The following NCR2 variants were observed in gnomAD, a reference collection of about 807,000 sequenced individuals.
The protein encoded by NCR2 is NK cell activating receptor (NKp44).
A neutral mutation model predicts 30.7 loss-of-function variants in NCR2; 35 were observed. That is an observed-to-expected ratio of 1.14 (90% CI 0.87 to 1.51). The LOEUF (loss-of-function observed/expected upper bound fraction) is 1.51. NCR2 is among the 40% of genes most tolerant of loss of function. The pLI, the probability that NCR2 is intolerant of heterozygous loss-of-function variation, is 0.00. For missense variants in NCR2, 316 were observed against 328.9 expected (o/e 0.96, Z 0.30); for synonymous variants, 146 against 134.8 (o/e 1.08, Z -0.58).
intron 4 of NCR2, chr6:41,343,031 G>A (rs762805372): frequency 6.4e-5 from 99 of 1,548,800 alleles, no homozygotes; most frequent in African/African-American, 4.9e-4. Flanking sequence ...CCAGGTGGGC[G>A]GCCAGTCTCC....
intron 4 of NCR2, among the ~76,000 whole-genome samples, chr6:41,349,540 G>C (rs531083366): frequency 2.6e-5 from 4 of 152,224 alleles, no homozygotes; most frequent in Admixed American, 2.6e-4. Flanking sequence ...GAGGGGAGGG[G>C]GCTGAAGACT....
At chr6:41,340,285 C>T (rs2114052941) in intron 2 of NCR2, among the ~76,000 whole-genome samples, 1 of 152,176 alleles carries the variant, frequency 6.6e-6, no homozygotes, top group South Asian at 2.1e-4. Context: ...CCTCAGCCTC[C>T]CAAGTAGCTG....
chr6:41,350,883 T>A lies in NCR2; in HGVS notation c.*19T>A, dbSNP rs779340645. 7 of 801,132 alleles carry A rather than the reference T, an allele frequency of 8.7e-6. No homozygotes were observed. In the East Asian group the frequency reaches 1.7e-4, roughly 20 times the overall value. The allele number at this position is 801,132 out of a possible 1,614,324, so 49.6% of individuals were successfully genotyped here. On this transcript the variant is annotated 3_prime_UTR_variant, in exon 5 of 5. Transcript: ENST00000373089. ...TTTGTGAATAATAAAATTATCTGAATGTTTTATTCCTGTTGTTTCCTAAGT... is the reference window on the plus strand; with the variant it reads ...TTTGTGAATAATAAAATTATCTGAAAGTTTTATTCCTGTTGTTTCCTAAGT...
intron 4 of NCR2, among the ~76,000 whole-genome samples, chr6:41,344,501 AT>A: frequency 6.6e-6 from 1 of 152,176 alleles, no homozygotes; most frequent in Non-Finnish European, 1.5e-5. Context: ...ATTTTTCTTT[AT>A]TCCTACTTTC....
chr6:41,346,848 G>A (rs1265756959), intron 4 of NCR2, among the ~76,000 whole-genome samples: 1 of 151,174 alleles, frequency 6.6e-6, no homozygotes, highest in Non-Finnish European at 1.5e-5. Flanking sequence ...AGGGAGGGAG[G>A]GAGGGACAGA....
rs944863318 is a variant in NCR2, at chr6:41,350,706, G to T, written c.673G>T (p.Glu225Ter). The T allele has an allele frequency of 1.9e-6, 3 of 1,613,874 alleles. No homozygotes were observed. Among genetic ancestry groups the T allele is most frequent in the Non-Finnish European group, 2.5e-6 (3 of 1,179,906 alleles). ...GGACATATGGTGGAAAACCATGATG[G>T]AGCTCAGGAGCCTGGATACCCAAAA... ...WGDIWWKTMM[E>*]LRSLDTQKAT... The change falls in exon 5 of 5, where the codon GAG (glutamate) becomes TAG (stop). Residue 225 changes from glutamate to a stop codon, truncating the protein, a stop_gained. Transcript: ENST00000373089. LOFTEE classifies it high-confidence loss of function.
At position 41,336,069 on chromosome 6, in the gene NCR2, T is replaced by TG; in HGVS notation, c.53-18_53-17insG. ...GTGCGCGTGGCCTTGACCTATGCGT[T>TG]ACTTCATCATTCTCCAGGCTCTCAG... On this transcript the variant is annotated splice_polypyrimidine_tract_variant and intron_variant, in intron 1 of 4. Transcript: ENST00000373089. 4 of 1,609,110 alleles carry TG rather than the reference T, an allele frequency of 2.5e-6. No homozygotes were observed. In the South Asian group the frequency reaches 4.4e-5, roughly 18 times the overall value.
At chr6:41,338,111 G>A (rs372736065) in intron 2 of NCR2, among the ~76,000 whole-genome samples, 1 of 152,034 alleles carries the variant, frequency 6.6e-6, no homozygotes, top group African/African-American at 2.4e-5. Flanking sequence ...AAAACATGTC[G>A]CTTTACTTCC....
intron 4 of NCR2, among the ~76,000 whole-genome samples, chr6:41,344,270 C>A (rs1165454370): frequency 6.6e-6 from 1 of 152,192 alleles, no homozygotes; most frequent in African/African-American, 2.4e-5. Context: ...CTTACCACCA[C>A]CAACATGGCT....
chr6:41,340,692 CTTG>C (rs1236582046), intron 2 of NCR2, among the ~76,000 whole-genome samples: 1 of 152,156 alleles, frequency 6.6e-6, no homozygotes, highest in Non-Finnish European at 1.5e-5. Context: ...TTATACTTCC[CTTG>C]TTGTGGAAGG....
At chr6:41,339,171 C>T (rs1769108373) in intron 2 of NCR2, among the ~76,000 whole-genome samples, 1 of 152,144 alleles carries the variant, frequency 6.6e-6, no homozygotes, top group Admixed American at 6.5e-5. Context: ...AAGCGATTCT[C>T]CTGCCTCAGC....
At chr6:41,349,588 T>C (rs1347228691) in intron 4 of NCR2, among the ~76,000 whole-genome samples, 2 of 151,388 alleles carry the variant, frequency 1.3e-5, no homozygotes, top group Non-Finnish European at 2.9e-5. Context: ...ATGAAGTCTC[T>C]GTAAAAATCA....
chr6:41,347,659 A>G (rs1490721686), intron 4 of NCR2, among the ~76,000 whole-genome samples: 3 of 152,258 alleles, frequency 2.0e-5, no homozygotes, highest in East Asian at 1.9e-4. Flanking sequence ...TTGATGTTGC[A>G]TAATAAATTA....
At chr6:41,349,040 T>C (rs1032457506) in intron 4 of NCR2, among the ~76,000 whole-genome samples, 7 of 148,186 alleles carry the variant, frequency 4.7e-5, no homozygotes, top group Non-Finnish European at 7.4e-5. Context: ...ATTGAAATCA[T>C]TATAATTTTA....
Position 41,336,387 on chromosome 6 carries a change from CTG to C in NCR2, c.355_356del (p.Val119LeufsTer2). 1 of 1,613,956 alleles carries C rather than the reference CTG, an allele frequency of 6.2e-7. No individual in the cohort carries two copies. On this transcript the variant is annotated frameshift_variant, in exon 2 of 5. Coordinates refer to ENST00000373089, the MANE Select transcript of NCR2 (RefSeq NM_004828.4). LOFTEE classifies it high-confidence loss of function. The stretch of plus-strand genomic sequence containing the variant: ...AGAATCTACCGCCCTTCTGACAACT[CTG>C]TCTCTAAGTCCGTCAGATTCTATCT...
intron 2 of NCR2, among the ~76,000 whole-genome samples, chr6:41,340,293 C>G (rs1355023046): frequency 1.3e-5 from 2 of 152,076 alleles, no homozygotes; most frequent in African/African-American, 2.4e-5. Context: ...TCCCAAGTAG[C>G]TGGGATTACA....
At chr6:41,340,065 A>G (rs1769131302) in intron 2 of NCR2, among the ~76,000 whole-genome samples, 1 of 152,238 alleles carries the variant, frequency 6.6e-6, no homozygotes, top group Non-Finnish European at 1.5e-5. Context: ...TTGATTAAAA[A>G]TTAAAATGAT....
intron 4 of NCR2, among the ~76,000 whole-genome samples, chr6:41,347,816 A>C (rs960715790): frequency 4.6e-5 from 7 of 152,164 alleles, no homozygotes; most frequent in African/African-American, 1.7e-4. Context: ...CGCAGTCAGG[A>C]TGTCAGCAAG....
At position 41,350,180 on chromosome 6, in the gene NCR2, C is replaced by T. The variant is rs146432690; in HGVS notation, c.645-498C>T. ...AGTCTTCTTATTGGTAAAAACAGAA[C>T]TGATAACACACATATTACCAAGCTA... On this transcript the variant is annotated intron_variant, in intron 4 of 4. Transcript: ENST00000373089. Among the ~76,000 whole-genome samples the T allele has an allele frequency of 3.3e-5, 5 of 152,296 alleles. No homozygotes were observed. In the East Asian group the frequency reaches 9.6e-4, roughly 29 times the overall value.
Sources: allele counts gnomAD v4.1 joint callset (sites outside exome capture counted in the v4.1 genomes callset), GRCh38; gene constraint gnomAD v4.1.1; transcripts MANE v1.5; gene names NCBI Gene and HGNC (gene_info 2026-07-23, HGNC 2026-07-21).